The following SIX4 variants were observed in gnomAD, a reference collection of about 807,000 sequenced individuals.
SIX4 encodes homeobox protein SIX4.
SIX4 carries 23 observed loss-of-function variants against 51.5 expected under a neutral mutation model. The ratio of observed to expected loss-of-function variants is 0.45; its 90% CI spans 0.32 to 0.63. The LOEUF (loss-of-function observed/expected upper bound fraction) is 0.63. Ranked by LOEUF, SIX4 falls within the 30% of genes least tolerant of loss-of-function variation. The pLI, the probability that SIX4 is intolerant of heterozygous loss-of-function variation, is 0.04. For synonymous variants in SIX4, 413 were observed against 417.3 expected, an observed-to-expected ratio of 0.99 and a Z score of 0.13; for missense variants, 867 against 984.0, an observed-to-expected ratio of 0.88 and a Z score of 1.59.
Position 60,723,421 on chromosome 14 carries a change from G to A in SIX4, c.654C>T (p.Arg218=). Residue 218 remains arginine (R), a synonymous_variant, in exon 1 of 3, where the codon CGC becomes CGT. Coordinates refer to ENST00000216513, the MANE Select transcript of SIX4 (RefSeq NM_017420.5). The stretch of plus-strand genomic sequence containing the variant: ...CCGTCTCCTCGCCGTCCCAGATGGT[G>A]CGGGGCAGGGGGAATTTCCTGCGCA... ...YRLRRKFPLP[R]TIWDGEETVY... is the part of the protein sequence containing the mutation. 3.1e-6 allele frequency: 5 copies of A among 1,611,182 alleles called. No homozygotes were observed. Among genetic ancestry groups the A allele is most frequent in the Non-Finnish European group, 3.4e-6 (4 of 1,179,964 alleles).
rs1475280059 is a variant in SIX4 at position 60,724,347 on chromosome 14, A to C, written c.-273T>G. On this transcript the variant is annotated 5_prime_UTR_variant, in exon 1 of 3. Transcript: ENST00000216513. Reference sequence around the variant, plus strand: ...GACTCCTCCGGTTGCTGCATACTATATGGCAGTGGCGGCCGGGCCGGCCCG... The same window carrying C: ...GACTCCTCCGGTTGCTGCATACTATCTGGCAGTGGCGGCCGGGCCGGCCCG... 190 of 1,388,456 alleles carry C rather than the reference A, an allele frequency of 1.4e-4. No homozygotes were observed. Among genetic ancestry groups the C allele is most frequent in the East Asian group, 6.2e-4 (18 of 29,024 alleles). 86.0% of individuals were successfully genotyped at this position (1,388,456 alleles called of 1,614,324 possible).
At position 60,722,209 on chromosome 14, in the gene SIX4, A is replaced by C. The variant is rs1429957636; in HGVS notation, c.863+1003T>G. ...ACCTTCTCCTTACTTTGTTTCGTCC[A>C]ACAAAACACACAGACGCACACACCA... On this transcript the variant is annotated intron_variant, in intron 1 of 2. Transcript: ENST00000216513. This position sits in a 1 kb window ranked among gnomAD's most constrained non-coding sequence, Gnocchi z 5.9. Among the ~76,000 whole-genome samples, 1 of 152,196 alleles carries C rather than the reference A, an allele frequency of 6.6e-6. No individual in the cohort carries two copies. The highest frequency in any genetic ancestry group is 1.5e-5 in the Non-Finnish European group (1 of 68,032).
rs997438999 is a variant in SIX4 at position 60,712,151 on chromosome 14, T to C, written c.*1256A>G. ...TGCTCAATAGAATTTACATATTTTC[T>C]TTCCTTTAAAATGGTTTTCATAGCC... On this transcript the variant is annotated 3_prime_UTR_variant, in exon 3 of 3. Transcript: ENST00000216513. 22 of 152,788 alleles carry C rather than the reference T, an allele frequency of 1.4e-4. No homozygotes were observed. The highest frequency in any genetic ancestry group is 5.1e-4 in the African/African-American group (21 of 41,582). The allele number at this position is 152,788 out of a possible 1,614,324, so 9.5% of individuals were successfully genotyped here.
In SIX4 at chr14:60,723,770, G is replaced by GCGA; in HGVS notation, c.304_305insTCG (p.Ala101_Ala102insVal). 1 of 1,524,064 alleles carries GCGA rather than the reference G, an allele frequency of 6.6e-7. No homozygotes were observed. The highest frequency in any genetic ancestry group is 1.2e-5 in the South Asian group (1 of 82,490). 94.4% of individuals were successfully genotyped at this position (1,524,064 alleles called of 1,614,324 possible). ...GGGCGAGAAGGCCAGCGGGGTCTGC[G>GCGA]CGGCGGCGGCGGCGGCGTGGTGGTG... On this transcript the variant is annotated inframe_insertion, in exon 1 of 3. Transcript: ENST00000216513.
In SIX4 at chr14:60,723,901, G is replaced by C; in HGVS notation, c.174C>G (p.Ala58=). 1.3e-6 allele frequency: 2 copies of C among 1,519,172 alleles called. No homozygotes were observed. Among genetic ancestry groups the C allele is most frequent in the Non-Finnish European group, 1.7e-6 (2 of 1,149,052 alleles). 94.1% of individuals were successfully genotyped at this position (1,519,172 alleles called of 1,614,324 possible). The change falls in exon 1 of 3, where the codon GCC becomes GCG. Residue 58 remains alanine (A), a synonymous_variant. Transcript: ENST00000216513. ...PAPFPLEPGD[A]ATAAARVSGE... is the part of the protein sequence containing the mutation. ...CGCTCACCCTGGCGGCAGCGGTCGCGGCGTCCCCCGGCTCCAGGGGAAAAG... is the reference window on the plus strand; with the variant it reads ...CGCTCACCCTGGCGGCAGCGGTCGCCGCGTCCCCCGGCTCCAGGGGAAAAG...
In SIX4 at chr14:60,723,791, T is replaced by C; in HGVS notation, c.284A>G (p.His95Arg). ...QLHSELLGRHHHAAAAAAQTP... is the reference protein window; with the variant it reads ...QLHSELLGRHRHAAAAAAQTP... ...CTGCGCGGCGGCGGCGGCGGCGTGGTGGTGCCTGCCCAGAAGTTCCGAGTG... is the reference window on the plus strand; with the variant it reads ...CTGCGCGGCGGCGGCGGCGGCGTGGCGGTGCCTGCCCAGAAGTTCCGAGTG... Residue 95 changes from histidine (H) to arginine (R), a missense_variant, in exon 1 of 3, where the codon CAC (histidine) becomes CGC (arginine). Coordinates refer to ENST00000216513, the MANE Select transcript of SIX4 (RefSeq NM_017420.5). 1 of 1,536,986 alleles carries C rather than the reference T, an allele frequency of 6.5e-7. No homozygotes were observed. Among genetic ancestry groups the C allele is most frequent in the South Asian group, 1.2e-5 (1 of 84,432 alleles).
rs1280479170 is a variant in SIX4, at chr14:60,724,033, C to T, written c.42G>A (p.Ala14=). ...SSPTGQIASA[A]DIKQENGMES... Reference sequence around the variant, plus strand: ...CCATCCCATTCTCTTGCTTGATGTCCGCCGCACTTGCGATCTGCCCGGTGG... The same window carrying T: ...CCATCCCATTCTCTTGCTTGATGTCTGCCGCACTTGCGATCTGCCCGGTGG... Residue 14 remains alanine, a synonymous_variant, in exon 1 of 3, where the codon GCG becomes GCA. Transcript: ENST00000216513. The T allele has an allele frequency of 6.5e-7, 1 of 1,529,446 alleles. No homozygotes were observed. Among genetic ancestry groups the T allele is most frequent in the Non-Finnish European group, 8.8e-7 (1 of 1,138,920 alleles). 94.7% of individuals were successfully genotyped at this position (1,529,446 alleles called of 1,614,324 possible).
In SIX4 at chr14:60,720,349, G is replaced by A. The variant is rs771486704; in HGVS notation, c.960C>T (p.Thr320=). ...CCATATGACTGGAAAGGCTGAGGTT[G>A]GTGATGCCATCAGATGAACTGGAGA... The part of the protein sequence containing the change: ...HPLSSSSDGI[T]NLSLSSHMEP... The change falls in exon 2 of 3, where the codon ACC becomes ACT. Residue 320 remains threonine (T), a synonymous_variant. Transcript: ENST00000216513. This position sits in a 1 kb window ranked among gnomAD's most constrained non-coding sequence, Gnocchi z 5.5. 5.6e-6 allele frequency: 9 copies of A among 1,614,128 alleles called. No homozygotes were observed. Among genetic ancestry groups the A allele is most frequent in the Non-Finnish European group, 7.6e-6 (9 of 1,179,986 alleles).
rs1326263784 is a variant in SIX4, at chr14:60,720,858, C to A, written c.864-413G>T. ...CCTGTTTAGGAACTCCTTCCCCTCC[C>A]CTCAAACCAATTCAGATTAGTGTTA... On this transcript the variant is annotated intron_variant, in intron 1 of 2. Coordinates refer to ENST00000216513, the MANE Select transcript of SIX4 (RefSeq NM_017420.5). This position sits in a 1 kb window ranked among gnomAD's most constrained non-coding sequence, Gnocchi z 5.5. 1.1e-5 allele frequency: 8 copies of A among 737,358 alleles called. No homozygotes were observed. The African/African-American group carries it at 1.5e-4, about 14-fold the overall frequency. The allele number at this position is 737,358 out of a possible 1,614,324, so 45.7% of individuals were successfully genotyped here.
At position 60,712,999 on chromosome 14, in the gene SIX4, TAAA is replaced by T. The variant is rs1463773555; in HGVS notation, c.*405_*407del. On this transcript the variant is annotated 3_prime_UTR_variant, in exon 3 of 3. Coordinates refer to ENST00000216513, the MANE Select transcript of SIX4 (RefSeq NM_017420.5). Reference sequence around the variant, plus strand: ...CTTAACCTTTTCAATGCCCATGGAGTAAAAGTAAACAAAAACAATTGTATTATT... The same window carrying T: ...CTTAACCTTTTCAATGCCCATGGAGTAGTAAACAAAAACAATTGTATTATT... 3 of 158,506 alleles carry T rather than the reference TAAA, an allele frequency of 1.9e-5. No individual in the cohort carries two copies. The highest frequency in any genetic ancestry group is 7.2e-5 in the African/African-American group (3 of 41,558). 9.8% of individuals were successfully genotyped at this position (158,506 alleles called of 1,614,324 possible).
In SIX4 at chr14:60,717,642, G is replaced by A. The variant is rs1454537273; in HGVS notation, c.1549+2118C>T. On this transcript the variant is annotated intron_variant, in intron 2 of 2. Coordinates refer to ENST00000216513, the MANE Select transcript of SIX4 (RefSeq NM_017420.5). This position sits in a 1 kb window ranked among gnomAD's most constrained non-coding sequence, Gnocchi z 4.6. Reference sequence around the variant, plus strand: ...TTGATTTTTGAGCATAACTACAACTGAAGTAAAAATTGAACAACAATTTTA... The same window carrying A: ...TTGATTTTTGAGCATAACTACAACTAAAGTAAAAATTGAACAACAATTTTA... Among the ~76,000 whole-genome samples the A allele has an allele frequency of 1.3e-5, 2 of 152,016 alleles. No individual in the cohort carries two copies. The highest frequency in any genetic ancestry group is 4.8e-5 in the African/African-American group (2 of 41,378).
Position 60,719,799 on chromosome 14 carries a change from G to C in SIX4, c.1510C>G (p.Pro504Ala). 1 of 1,614,220 alleles carries C rather than the reference G, an allele frequency of 6.2e-7. No homozygotes were observed. Among genetic ancestry groups the C allele is most frequent in the Non-Finnish European group, 8.5e-7 (1 of 1,180,030 alleles). ...QFLNGSIGFS[P>A]LQLPPVSVAA... ...ACTGACACAGGGGGCAGCTGCAGTG[G>C]AGAGAATCCAATGCTCCCATTAAGG... is the stretch of plus-strand genomic sequence containing the variant. The change falls in exon 2 of 3, where the codon CCA (proline) becomes GCA (alanine). Residue 504 changes from proline (P) to alanine (A), a missense_variant. Pro to Ala is a conservative substitution (Grantham distance 27). Transcript: ENST00000216513. The surrounding 1 kb of genome is among the most constrained non-coding windows in gnomAD (Gnocchi z 4.9).
At position 60,720,621 on chromosome 14, in the gene SIX4, G is replaced by A. The variant is rs1350076620; in HGVS notation, c.864-176C>T. ...GAGGCCTTTCAGCAGATTCCGACCAGCCAGAGAATCTGGGAAGATAAACTC... is the reference window on the plus strand; with the variant it reads ...GAGGCCTTTCAGCAGATTCCGACCAACCAGAGAATCTGGGAAGATAAACTC... On this transcript the variant is annotated intron_variant, in intron 1 of 2. Transcript: ENST00000216513. This position sits in a 1 kb window ranked among gnomAD's most constrained non-coding sequence, Gnocchi z 5.5. Among the ~76,000 whole-genome samples, 24 of 152,208 alleles carry A rather than the reference G, an allele frequency of 1.6e-4. No individual in the cohort carries two copies. The highest frequency in any genetic ancestry group is 1.3e-3 in the Admixed American group (20 of 15,278).
intron 1 of SIX4, among the ~76,000 whole-genome samples, chr14:60,721,840 C>T (rs1192307487): frequency 1.3e-5 from 2 of 152,382 alleles, no homozygotes; most frequent in South Asian, 2.1e-4. Context: ...CTCGGCGTAA[C>T]CAAAGCGCCT....
chr14:60,717,646 T>TA lies in SIX4; in HGVS notation c.1549+2113dup, dbSNP rs1444328514. Among the ~76,000 whole-genome samples, 12 of 152,264 alleles carry TA rather than the reference T, an allele frequency of 7.9e-5. No individual in the cohort carries two copies. Among genetic ancestry groups the TA allele is most frequent in the Admixed American group, 5.2e-4 (8 of 15,288 alleles). On this transcript the variant is annotated intron_variant, in intron 2 of 2. Coordinates refer to ENST00000216513, the MANE Select transcript of SIX4 (RefSeq NM_017420.5). This position sits in a 1 kb window ranked among gnomAD's most constrained non-coding sequence, Gnocchi z 4.6. ...TTTTTGAGCATAACTACAACTGAAG[T>TA]AAAAATTGAACAACAATTTTAAGAT... is the stretch of plus-strand genomic sequence containing the variant.
Position 60,719,835 on chromosome 14 carries a change from T to C in SIX4, c.1474A>G (p.Asn492Asp), listed in dbSNP as rs1230833872. Residue 492 changes from asparagine (N) to aspartate (D), a missense_variant, in exon 2 of 3, where the codon AAC becomes GAC. Asn to Asp is a conservative substitution (Grantham distance 23, BLOSUM62 1). Coordinates refer to ENST00000216513, the MANE Select transcript of SIX4 (RefSeq NM_017420.5). The surrounding 1 kb of genome is among the most constrained non-coding windows in gnomAD (Gnocchi z 4.9). Reference sequence around the variant, plus strand: ...ATGCTCCCATTAAGGAACTGGCTGTTTGCTCCGGAATTGGGGATCTGGACA... The same window carrying C: ...ATGCTCCCATTAAGGAACTGGCTGTCTGCTCCGGAATTGGGGATCTGGACA... The part of the protein sequence containing the change: ...GIVQIPNSGA[N>D]SQFLNGSIGF... 1 of 1,614,230 alleles carries C rather than the reference T, an allele frequency of 6.2e-7. No homozygotes were observed. The highest frequency in any genetic ancestry group is 1.1e-5 in the South Asian group (1 of 91,086).
In SIX4 at chr14:60,724,183, G is replaced by A. The variant is rs1439049833; in HGVS notation, c.-109C>T. 7.6e-6 allele frequency: 12 copies of A among 1,581,422 alleles called. No homozygotes were observed. Among genetic ancestry groups the A allele is most frequent in the South Asian group, 1.1e-5 (1 of 88,350 alleles). On this transcript the variant is annotated 5_prime_UTR_variant, in exon 1 of 3. Coordinates refer to ENST00000216513, the MANE Select transcript of SIX4 (RefSeq NM_017420.5). ...GTCTCCCTCCCTCCTCTCCCCCTCC[G>A]GAAAGCCCACTCCCTCCCTCCTGGT...
rs1220963677 is a variant in SIX4 at position 60,718,230 on chromosome 14, T to C, written c.1549+1530A>G. 2.0e-5 allele frequency among the ~76,000 whole-genome samples: 3 copies of C among 152,124 alleles called. No homozygotes were observed. The East Asian group carries it at 5.8e-4, about 29-fold the overall frequency. On this transcript the variant is annotated intron_variant, in intron 2 of 2. Coordinates refer to ENST00000216513, the MANE Select transcript of SIX4 (RefSeq NM_017420.5). ...CTGCAATACCTAACTACCATAGAAA[T>C]GTTGCTTACTGGATTAAACTTAACT...
rs2140270858 is a variant in SIX4 at position 60,720,583 on chromosome 14, C to T, written c.864-138G>A. ...AAGCACAGCAGGATATCTGCTAGTC[C>T]TATTTAAACTAAGAGGCCTTTCAGC... On this transcript the variant is annotated intron_variant, in intron 1 of 2. Coordinates refer to ENST00000216513, the MANE Select transcript of SIX4 (RefSeq NM_017420.5). This position sits in a 1 kb window ranked among gnomAD's most constrained non-coding sequence, Gnocchi z 5.5. 2.5e-6 allele frequency: 2 copies of T among 786,040 alleles called. No homozygotes were observed. Among genetic ancestry groups the T allele is most frequent in the Non-Finnish European group, 2.0e-6 (1 of 512,006 alleles). The allele number at this position is 786,040 out of a possible 1,614,324, so 48.7% of individuals were successfully genotyped here. A position where few individuals can be genotyped will look rare whatever the true frequency, so the allele number is the denominator to read the frequency against.
Sources: gnomAD v4.1 joint callset for allele counts (sites outside exome capture counted in the v4.1 genomes callset) on GRCh38, gnomAD v4.1.1 for gene constraint, Gnocchi (gnomAD v3.1) non-coding constraint, MANE v1.5 for transcripts, NCBI Gene and HGNC (gene_info 2026-07-23, HGNC 2026-07-21) for gene names.